Variants in RIC8B observed in about 807,000 individuals in gnomAD.
RIC8B encodes the protein chaperone Ric-8B.
A neutral mutation model predicts 57.5 loss-of-function variants in RIC8B; 16 were observed. The ratio of observed to expected loss-of-function variants is 0.28; its 90% CI spans 0.19 to 0.42. The LOEUF (loss-of-function observed/expected upper bound fraction) is 0.42, where lower values mean the gene tolerates loss of function less well. Among genes scored for constraint, RIC8B ranks in the 10% least tolerant of loss-of-function variants. The probability of loss-of-function intolerance (pLI) is 1.00; values close to 1 mark genes in which losing one functional copy is unlikely to be tolerated. For synonymous variants in RIC8B, 216 were observed against 250.8 expected, an observed-to-expected ratio of 0.86 and a Z score of 1.31; for missense variants, 481 against 677.0, an observed-to-expected ratio of 0.71 and a Z score of 3.21.
intron 6 of RIC8B, among the ~76,000 whole-genome samples, chr12:106,850,085 C>T (rs1288791529): frequency 6.6e-6 from 1 of 152,200 alleles, no homozygotes; most frequent in Non-Finnish European, 1.5e-5. Context: ...CTCATAGGAG[C>T]ACAAACACTA....
At position 106,795,796 on chromosome 12, in the gene RIC8B, G is replaced by A. The variant is rs547477015; in HGVS notation, c.132+11752G>A. On this transcript the variant is annotated intron_variant, in intron 2 of 9. Coordinates refer to ENST00000392837, the MANE Select transcript of RIC8B (RefSeq NM_001330145.2). ...AAGGAAAACCTTACCGAGGACTTCC[G>A]TACCCTCACTATCTGCCTAAGTAAT... Among the ~76,000 whole-genome samples, 8 of 152,228 alleles carry A rather than the reference G, an allele frequency of 5.3e-5. No individual in the cohort carries two copies. In the East Asian group the frequency reaches 1.4e-3, roughly 26 times the overall value.
At chr12:106,774,865 C>T (rs1470502011) in intron 1 of RIC8B, 36 bp downstream of exon 1, 3 of 1,480,850 alleles carry the variant, frequency 2.0e-6, no homozygotes, top group Non-Finnish European at 2.7e-6. Flanking sequence ...CGGTATCGCA[C>T]CCCCGGGCCG....
chr12:106,833,922 A>G (rs778931897), intron 4 of RIC8B, among the ~76,000 whole-genome samples: 1 of 152,078 alleles, frequency 6.6e-6, no homozygotes, highest in Non-Finnish European at 1.5e-5. Context: ...AAAAGAACCT[A>G]GCACCTTCTC....
chr12:106,863,499 CAGTCA>C (rs1950019874), intron 8 of RIC8B, among the ~76,000 whole-genome samples: 1 of 152,030 alleles, frequency 6.6e-6, no homozygotes, highest in African/African-American at 2.4e-5. Flanking sequence ...TATGCTGCTT[CAGTCA>C]AGTCTTTTTA....
intron 4 of RIC8B, among the ~76,000 whole-genome samples, chr12:106,829,828 C>T (rs1299304071): frequency 2.0e-5 from 3 of 152,136 alleles, no homozygotes; most frequent in African/African-American, 7.2e-5. Flanking sequence ...TGTCATGGCT[C>T]CTCTTTGTCT....
At chr12:106,844,882 G>A (rs1477645277) in intron 6 of RIC8B, among the ~76,000 whole-genome samples, 1 of 152,160 alleles carries the variant, frequency 6.6e-6, no homozygotes, top group Non-Finnish European at 1.5e-5. Flanking sequence ...TTATATCTTA[G>A]ACTACAAGTG....
chr12:106,882,138 T>A (rs1288019956), intron 9 of RIC8B, among the ~76,000 whole-genome samples: 1 of 152,108 alleles, frequency 6.6e-6, no homozygotes, highest in Non-Finnish European at 1.5e-5. Context: ...CCCCACTTAA[T>A]CCCTAACTAG....
At chr12:106,791,613 C>T (rs1401855118) in intron 2 of RIC8B, among the ~76,000 whole-genome samples, 1 of 152,154 alleles carries the variant, frequency 6.6e-6, no homozygotes, top group Non-Finnish European at 1.5e-5. Context: ...TTCCCCCAGA[C>T]ACAAATGTAT....
At chr12:106,779,696 T>TTC (rs2043662944) in intron 1 of RIC8B, among the ~76,000 whole-genome samples, 1 of 151,098 alleles carries the variant, frequency 6.6e-6, no homozygotes. Context: ...TTTTTTTTTT[T>TTC]TTCAGATATT....
chr12:106,800,135 T>C (rs1195726608), intron 2 of RIC8B, among the ~76,000 whole-genome samples: 1 of 152,122 alleles, frequency 6.6e-6, no homozygotes, highest in African/African-American at 2.4e-5. Flanking sequence ...CCTCATGACT[T>C]CACCTAACCC....
chr12:106,791,604 T>TC (rs945755878), intron 2 of RIC8B, among the ~76,000 whole-genome samples: 8 of 152,186 alleles, frequency 5.3e-5, no homozygotes, highest in African/African-American at 1.9e-4. Context: ...TTTCTTTTTT[T>TC]CCCCCAGACA....
At chr12:106,882,475 CTTATTA>C (rs144970948) in intron 9 of RIC8B, among the ~76,000 whole-genome samples, 27 of 151,666 alleles carry the variant, frequency 1.8e-4, no homozygotes, top group African/African-American at 2.9e-4. Flanking sequence ...TTTGGTCTAC[CTTATTA>C]TTATTATTAT....
At chr12:106,883,067 C>G (rs1214014461) in intron 9 of RIC8B, among the ~76,000 whole-genome samples, 1 of 152,126 alleles carries the variant, frequency 6.6e-6, no homozygotes, top group Non-Finnish European at 1.5e-5. Context: ...AAGTTAGTAG[C>G]TAGCCCCAGA....
At chr12:106,785,151 A>G (rs1036356199) in intron 2 of RIC8B, among the ~76,000 whole-genome samples, 10 of 152,254 alleles carry the variant, frequency 6.6e-5, no homozygotes, top group South Asian at 2.1e-4. Flanking sequence ...GATCTGTCAT[A>G]TGCCTACTTT....
chr12:106,808,611 A>G (rs961645807), intron 2 of RIC8B, among the ~76,000 whole-genome samples: 4 of 152,210 alleles, frequency 2.6e-5, no homozygotes, highest in Non-Finnish European at 5.9e-5. Flanking sequence ...AAGTTTCTAA[A>G]TGCATACTCT....
rs182130305 is a variant in RIC8B at position 106,839,733 on chromosome 12, G to T, written c.837-2856G>T. Among the ~76,000 whole-genome samples, 441 of 152,330 alleles carry T rather than the reference G, an allele frequency of 2.9e-3. 3 individuals are homozygous for T. Among genetic ancestry groups the T allele is most frequent in the African/African-American group, 9.4e-3 (392 of 41,574 alleles). Reference sequence around the variant, plus strand: ...AAAATACTTTTCAAAGATTTTGAGGGGTTTGGGTGCAGTGGCTCACGCCTG... The same window carrying T: ...AAAATACTTTTCAAAGATTTTGAGGTGTTTGGGTGCAGTGGCTCACGCCTG... On this transcript the variant is annotated intron_variant, in intron 4 of 9. Transcript: ENST00000392837.
At chr12:106,804,403 T>C (rs563252070) in intron 2 of RIC8B, among the ~76,000 whole-genome samples, 40 of 152,106 alleles carry the variant, frequency 2.6e-4, no homozygotes, top group Admixed American at 4.6e-4. Context: ...TTAGTAGACA[T>C]GGGGTTTCAC....
chr12:106,775,270 C>G, intron 1 of RIC8B: 4 of 454,930 alleles, frequency 8.8e-6, no homozygotes, highest in Non-Finnish European at 1.3e-5. Context: ...ACGTTTAGCA[C>G]TGTACGGTTT....
chr12:106,775,928 A>G (rs769577341), intron 1 of RIC8B, among the ~76,000 whole-genome samples: 3 of 152,166 alleles, frequency 2.0e-5, no homozygotes, highest in Non-Finnish European at 4.4e-5. Flanking sequence ...CACTGCATCC[A>G]TCCACTTTGT....
Sources: gnomAD v4.1 joint callset for allele counts (sites outside exome capture counted in the v4.1 genomes callset) on GRCh38, gnomAD v4.1.1 for gene constraint, MANE v1.5 for transcripts, NCBI Gene and HGNC (gene_info 2026-07-23, HGNC 2026-07-21) for gene names.